The following AK7 variants were observed in gnomAD, a reference collection of about 807,000 sequenced individuals.
AK7 encodes the protein adenylate kinase 7, also known as ATP-AMP transphosphorylase 7.
Under a neutral mutation model 96.6 loss-of-function variants are expected in AK7, and 78 were observed. The ratio of observed to expected loss-of-function variants is 0.81; its 90% CI spans 0.67 to 0.97. The LOEUF (loss-of-function observed/expected upper bound fraction) is 0.97. Among genes scored for constraint, AK7 ranks in the 50% least tolerant of loss-of-function variants. The pLI, the probability that AK7 is intolerant of heterozygous loss-of-function variation, is 0.00. For synonymous variants in AK7, 302 were observed against 317.2 expected (o/e 0.95, Z 0.51); for missense variants, 855 against 887.9 (o/e 0.96, Z 0.47).
At chr14:96,442,099 T>C (rs1260234151) in intron 6 of AK7, among the ~76,000 whole-genome samples, 8 of 152,288 alleles carry the variant, frequency 5.3e-5, no homozygotes, top group Non-Finnish European at 8.8e-5. Flanking sequence ...AATAATCTAA[T>C]ATGTGACACT....
At chr14:96,482,754 A>C (rs1895566820) in intron 15 of AK7, among the ~76,000 whole-genome samples, 1 of 152,130 alleles carries the variant, frequency 6.6e-6, no homozygotes, top group Non-Finnish European at 1.5e-5. Flanking sequence ...TCAACCACTC[A>C]AATCAAGTCA....
At chr14:96,415,761 A>ACATTAATTAATTAAATTAATTTAATG (rs1566768506) in intron 4 of AK7, among the ~76,000 whole-genome samples, 6 of 145,482 alleles carry the variant, frequency 4.1e-5, no homozygotes, top group African/African-American at 7.7e-5. Flanking sequence ...TTAATTTAAT[A>ACATTAATTAATTAAATTAATTTAATG]CATTAATTAA....
At chr14:96,459,062 G>GC (rs1456418985) in intron 12 of AK7, among the ~76,000 whole-genome samples, 2 of 152,048 alleles carry the variant, frequency 1.3e-5, no homozygotes, top group Non-Finnish European at 2.9e-5. Context: ...AATCGGCTGT[G>GC]CCCGGTGGCT....
chr14:96,446,731 A>G lies in AK7; in HGVS notation c.870+124A>G, dbSNP rs1160550621. On this transcript the variant is annotated intron_variant, in intron 8 of 17. Transcript: ENST00000267584. ...CGAGGCGGGTGGATCACCTGAGGTC[A>G]GGAGCTCAAGACCAGCCTGACCAAC... 4.9e-5 allele frequency: 35 copies of G among 717,848 alleles called. No homozygotes were observed. In the Admixed American group the frequency reaches 7.6e-4, roughly 16 times the overall value. The allele number at this position is 717,848 out of a possible 1,614,324, so 44.5% of individuals were successfully genotyped here.
At chr14:96,417,275 T>G (rs1765255668) in intron 4 of AK7, among the ~76,000 whole-genome samples, 1 of 140,740 alleles carries the variant, frequency 7.1e-6, no homozygotes, top group Admixed American at 7.4e-5. Context: ...TGAATAATTG[T>G]TTAGCATACC....
At chr14:96,416,012 T>C (rs1176808304) in intron 4 of AK7, among the ~76,000 whole-genome samples, 1 of 152,086 alleles carries the variant, frequency 6.6e-6, no homozygotes, top group African/African-American at 2.4e-5. Flanking sequence ...CGGGCTCTGA[T>C]TGTCACACGT....
intron 9 of AK7, 112 bp downstream of exon 9, chr14:96,449,991 G>T: frequency 3.6e-6 from 3 of 829,894 alleles, no homozygotes; most frequent in Non-Finnish European, 5.6e-6. Context: ...ATCTGTGAGG[G>T]ATTTGGAGTC....
chr14:96,410,207 C>T (rs1446675973), intron 4 of AK7, among the ~76,000 whole-genome samples: 1 of 152,176 alleles, frequency 6.6e-6, no homozygotes, highest in Non-Finnish European at 1.5e-5. Context: ...ATGCTCTTTC[C>T]TTGTAAAGTT....
chr14:96,426,401 T>A (rs888995700), intron 5 of AK7, among the ~76,000 whole-genome samples: 4 of 152,184 alleles, frequency 2.6e-5, no homozygotes, highest in Non-Finnish European at 5.9e-5. Context: ...AGTTATTATT[T>A]TTTTTGGTTC....
intron 5 of AK7, among the ~76,000 whole-genome samples, chr14:96,430,895 T>A (rs1269701017): frequency 6.6e-6 from 1 of 152,210 alleles, no homozygotes; most frequent in East Asian, 1.9e-4. Flanking sequence ...TGTGAATCCG[T>A]CTGGTCCTGG....
Position 96,419,784 on chromosome 14 carries a change from C to CTTTTTTTTTTTTTTTTTTTTTTTTTTTT in AK7, c.499-1034_499-1033insTTTTTTTTTTTTTTTTTTTTTTTTTTTT, listed in dbSNP as rs11449244. ...TCTCCTAAAGCATTTTTTTTTCTTT[C>CTTTTTTTTTTTTTTTTTTTTTTTTTTTT]TTTTCTTTTTTTTTTTTTTTTGAGA... On this transcript the variant is annotated intron_variant, in intron 4 of 17. Transcript: ENST00000267584. Among the ~76,000 whole-genome samples the CTTTTTTTTTTTTTTTTTTTTTTTTTTTT allele has an allele frequency of 2.0e-5, 2 of 101,714 alleles. 1 individual carries two copies. The highest frequency in any genetic ancestry group is 3.7e-5 in the Non-Finnish European group (2 of 54,158). 66.7% of individuals were successfully genotyped at this position (101,714 alleles called of 152,430 possible). A position where few individuals can be genotyped will look rare whatever the true frequency, so the allele number is the denominator to read the frequency against.
intron 5 of AK7, among the ~76,000 whole-genome samples, chr14:96,434,426 C>G (rs57893721): frequency 0.041 from 812 of 19,798 alleles, 19 homozygotes; most frequent in East Asian, 0.4. Context: ...CTGTCTGTCT[C>G]TCTCTCTCTC....
In AK7 at chr14:96,475,434, C is replaced by T. The variant is rs111281820; in HGVS notation, c.1555+2679C>T. 1.6e-3 allele frequency among the ~76,000 whole-genome samples: 240 copies of T among 152,326 alleles called. 3 individuals are homozygous for T. The highest frequency in any genetic ancestry group is 5.5e-3 in the African/African-American group (228 of 41,572). The stretch of plus-strand genomic sequence containing the variant: ...TGGGGTTTCTTTGGGAAAGCCAAGA[C>T]AGGCCACAGTGAACCGTTCGGGACT... On this transcript the variant is annotated intron_variant, in intron 14 of 17. Transcript: ENST00000267584.
At chr14:96,459,356 AT>A (rs1332388034) in intron 12 of AK7, among the ~76,000 whole-genome samples, 2 of 151,998 alleles carry the variant, frequency 1.3e-5, no homozygotes, top group Non-Finnish European at 2.9e-5. Context: ...AGAAAAAAAA[AT>A]CACACATATG....
intron 2 of AK7, among the ~76,000 whole-genome samples, chr14:96,400,135 T>C (rs541524514): frequency 1.4e-5 from 2 of 146,820 alleles, no homozygotes; most frequent in East Asian, 4.1e-4. Context: ...GCCTCCTGGG[T>C]TCAAGCGATT....
chr14:96,438,029 G>A (rs1892745026), intron 6 of AK7, 114 bp downstream of exon 6: 1 of 795,962 alleles, frequency 1.3e-6, no homozygotes, highest in East Asian at 2.8e-5. Context: ...AATAGCAGAA[G>A]ATGAAGGCAA....
chr14:96,416,032 G>A (rs981744597), intron 4 of AK7, among the ~76,000 whole-genome samples: 1 of 152,016 alleles, frequency 6.6e-6, no homozygotes, highest in Non-Finnish European at 1.5e-5. Context: ...TAATAACCAG[G>A]GAGAAACGGA....
chr14:96,419,652 T>C (rs976432160), intron 4 of AK7, among the ~76,000 whole-genome samples: 2 of 151,988 alleles, frequency 1.3e-5, no homozygotes, highest in African/African-American at 4.8e-5. Flanking sequence ...AAAAATTATA[T>C]TTAATATTAA....
rs80304258 is a variant in AK7 at position 96,487,075 on chromosome 14, A to T, written c.2133+19A>T. The T allele has an allele frequency of 0.054, 86,807 of 1,613,116 alleles. 2,489 individuals carry two copies. The highest frequency in any genetic ancestry group is 0.068 in the Admixed American group (4,065 of 59,964). Reference sequence around the variant, plus strand: ...TTTTCTGGTAACATATTTAATTTTTAAAAAAAGATCAATTTGAGTTTGGGT... The same window carrying T: ...TTTTCTGGTAACATATTTAATTTTTTAAAAAAGATCAATTTGAGTTTGGGT... On this transcript the variant is annotated intron_variant, in intron 17 of 17. Coordinates refer to ENST00000267584, the MANE Select transcript of AK7 (RefSeq NM_152327.5).
Sources: gnomAD v4.1 joint callset for allele counts (sites outside exome capture counted in the v4.1 genomes callset) on GRCh38, gnomAD v4.1.1 for gene constraint, MANE v1.5 for transcripts, NCBI Gene and HGNC (gene_info 2026-07-23, HGNC 2026-07-21) for gene names.